Variants in KIDINS220 observed in about 807,000 individuals in gnomAD.
KIDINS220 encodes the protein kinase D interacting substrate 220.
Under a neutral mutation model 157.6 loss-of-function variants are expected in KIDINS220, and 63 were observed. The observed-to-expected ratio is 0.40, with a 90% CI of 0.33 to 0.49. The LOEUF is 0.49. Among genes scored for constraint, KIDINS220 ranks in the 20% least tolerant of loss-of-function variants. The probability of loss-of-function intolerance (pLI) is 0.66; values close to 1 mark genes in which losing one functional copy is unlikely to be tolerated. For synonymous variants in KIDINS220, 732 were observed against 783.6 expected, an observed-to-expected ratio of 0.93 and a Z score of 1.10; for missense variants, 1,772 against 2,171.2, an observed-to-expected ratio of 0.82 and a Z score of 3.65.
chr2:8,810,020 C>G (rs965120116), intron 6 of KIDINS220, among the ~76,000 whole-genome samples: 1 of 152,106 alleles, frequency 6.6e-6, no homozygotes, highest in Non-Finnish European at 1.5e-5. Context: ...GCACTCAACA[C>G]TAGCTCAACA....
rs1455153224 is a variant in KIDINS220, at chr2:8,777,834, G to C, written c.2703+805C>G. On this transcript the variant is annotated intron_variant, in intron 20 of 29. Transcript: ENST00000256707. ...GTTGCCAGGCAAGAAATTAAAAATG[G>C]TAAGTTATATGCGCCTCTGAATTTA... 2.6e-5 allele frequency among the ~76,000 whole-genome samples: 4 copies of C among 152,182 alleles called. No homozygotes were observed. In the South Asian group the frequency reaches 8.3e-4, roughly 32 times the overall value.
intron 11 of KIDINS220, among the ~76,000 whole-genome samples, chr2:8,796,451 G>A (rs1053419950): frequency 6.6e-6 from 1 of 152,132 alleles, no homozygotes; most frequent in Non-Finnish European, 1.5e-5. Flanking sequence ...CAGCCCCTGT[G>A]CATTCTTTCC....
Position 8,789,902 on chromosome 2 carries a change from C to A in KIDINS220, c.1599G>T (p.Leu533Phe). The A allele has an allele frequency of 1.2e-6, 2 of 1,610,180 alleles. No individual in the cohort carries two copies. Among genetic ancestry groups the A allele is most frequent in the East Asian group, 4.5e-5 (2 of 44,814 alleles). Residue 533 changes from leucine (L) to phenylalanine (F), a missense_variant, in exon 14 of 30, where the codon TTG becomes TTT. Transcript: ENST00000256707. ...NLGIAVSLSF[L>F]ALLYIFFIVI... ...TACTAAAGAATATATATAAGAGAGC[C>A]AAGAAGCTCAGTGACACTGCTATTC...
intron 12 of KIDINS220, 117 bp from the exon 13 acceptor site, chr2:8,791,341 C>G: frequency 1.2e-6 from 1 of 822,466 alleles, no homozygotes; most frequent in South Asian, 2.1e-5. Flanking sequence ...TGTTTATACC[C>G]ATGTAGGGAC....
chr2:8,798,239 A>G lies in KIDINS220; in HGVS notation c.962T>C (p.Ile321Thr), dbSNP rs1674227567. ...EKGNATMVRD[I>T]LQCNPDTEIC... is the part of the protein sequence containing the mutation. Reference sequence around the variant, plus strand: ...TTCAGTGTCAGGATTGCACTGTAAGATATCTCTCACCATTGTTGCATTTCC... The same window carrying G: ...TTCAGTGTCAGGATTGCACTGTAAGGTATCTCTCACCATTGTTGCATTTCC... Residue 321 changes from isoleucine (I) to threonine (T), a missense_variant, in exon 10 of 30, where the codon ATC becomes ACC. Around this residue, in one of 3 missense-constraint regions of KIDINS220, gnomAD observed 725 missense variants for 1,017.1 expected, o/e 0.71. Transcript: ENST00000256707. 1.2e-6 allele frequency: 2 copies of G among 1,612,350 alleles called. No individual in the cohort carries two copies. Among genetic ancestry groups the G allele is most frequent in the Admixed American group, 1.7e-5 (1 of 60,014 alleles).
intron 22 of KIDINS220, chr2:8,757,115 T>C (rs1668108449): frequency 3.2e-6 from 1 of 308,436 alleles, no homozygotes; most frequent in Non-Finnish European, 4.7e-6. Flanking sequence ...TGCAAATTCA[T>C]TTTAGGAAAA....
At chr2:8,756,394 T>C (rs775226355) in intron 22 of KIDINS220, among the ~76,000 whole-genome samples, 2 of 152,194 alleles carry the variant, frequency 1.3e-5, no homozygotes, top group Non-Finnish European at 2.9e-5. Context: ...TTTCTATATA[T>C]AGAAGAATCA....
At chr2:8,747,791 T>G in intron 25 of KIDINS220, 96 bp downstream of exon 25, 1 of 583,418 alleles carries the variant, frequency 1.7e-6, no homozygotes, top group Non-Finnish European at 2.8e-6. Context: ...TAAAATCAGT[T>G]GCACTCTTTT....
intron 22 of KIDINS220, among the ~76,000 whole-genome samples, chr2:8,761,544 T>C (rs1461279687): frequency 6.6e-6 from 1 of 152,124 alleles, no homozygotes; most frequent in Non-Finnish European, 1.5e-5. Flanking sequence ...AAAAACTATG[T>C]CATATGAATA....
Position 8,731,587 on chromosome 2 carries a change from T to A in KIDINS220, c.4449A>T (p.Ser1483=). 1 of 1,614,152 alleles carries A rather than the reference T, an allele frequency of 6.2e-7. No homozygotes were observed. The highest frequency in any genetic ancestry group is 1.1e-5 in the South Asian group (1 of 91,082). ...GGAGAAGCTTACTGCCTGACTGATC[T>A]GATTTTTCATCTTCTTCAGTGATAG... The part of the protein sequence containing the change: ...LDPITEEDEK[S]DQSGSKLLPG... Residue 1483 remains serine (S), a synonymous_variant, in exon 30 of 30, where the codon TCA becomes TCT. Transcript: ENST00000256707. This position sits in a 1 kb window ranked among gnomAD's most constrained non-coding sequence, Gnocchi z 5.2.
At chr2:8,834,548 C>T (rs115609564) in intron 1 of KIDINS220, among the ~76,000 whole-genome samples, 1 of 151,736 alleles carries the variant, frequency 6.6e-6, no homozygotes, top group Non-Finnish European at 1.5e-5. Context: ...CTCCACATAC[C>T]ACATACTTTG....
intron 22 of KIDINS220, among the ~76,000 whole-genome samples, chr2:8,762,168 T>C (rs1327705688): frequency 2.0e-5 from 3 of 152,232 alleles, no homozygotes; most frequent in African/African-American, 7.2e-5. Context: ...TTCAAGAAAT[T>C]GTCTTTGGTA....
chr2:8,785,371 G>A (rs1409281953), intron 17 of KIDINS220, among the ~76,000 whole-genome samples: 1 of 152,170 alleles, frequency 6.6e-6, no homozygotes, highest in Non-Finnish European at 1.5e-5. Flanking sequence ...CAAGCCCACA[G>A]AATGTACCAC....
intron 26 of KIDINS220, among the ~76,000 whole-genome samples, chr2:8,744,385 A>AT (rs1666174552): frequency 1.1e-4 from 3 of 28,052 alleles, no homozygotes; most frequent in Admixed American, 6.9e-4. Context: ...AAAAAAAAAA[A>AT]AAAATATATA....
intron 22 of KIDINS220, among the ~76,000 whole-genome samples, chr2:8,756,836 T>G (rs1159291642): frequency 6.6e-6 from 1 of 152,172 alleles, no homozygotes; most frequent in Admixed American, 6.5e-5. Flanking sequence ...AACACGAAAA[T>G]TTTGGCAGGA....
intron 22 of KIDINS220, chr2:8,757,670 C>G: frequency 1.2e-6 from 2 of 1,612,356 alleles, no homozygotes; most frequent in Non-Finnish European, 1.7e-6. Context: ...TGTTCCATGT[C>G]CTGCTTATTT....
chr2:8,796,750 C>G (rs752196248), intron 11 of KIDINS220, 21 bp downstream of exon 11: 1 of 1,576,480 alleles, frequency 6.3e-7, no homozygotes, highest in Admixed American at 1.7e-5. Flanking sequence ...ATACAGTGTT[C>G]TCTCCGCACA....
intron 22 of KIDINS220, among the ~76,000 whole-genome samples, chr2:8,767,487 A>G (rs1470305692): frequency 1.3e-5 from 2 of 152,224 alleles, no homozygotes; most frequent in African/African-American, 4.8e-5. Context: ...AAGGAGGTGA[A>G]GCAACAACTT....
At chr2:8,821,228 C>G (rs1200517791) in intron 2 of KIDINS220, among the ~76,000 whole-genome samples, 1 of 151,620 alleles carries the variant, frequency 6.6e-6, no homozygotes, top group Non-Finnish European at 1.5e-5. Context: ...ATTTGATAGC[C>G]TAGAAACATG....
Sources: gnomAD v4.1 joint callset for allele counts (sites outside exome capture counted in the v4.1 genomes callset) on GRCh38, gnomAD v4.1.1 for gene constraint, gnomAD v4.1.1 regional missense constraint, Gnocchi (gnomAD v3.1) non-coding constraint, MANE v1.5 for transcripts, NCBI Gene and HGNC (gene_info 2026-07-23, HGNC 2026-07-21) for gene names.